The following AGO4 variants were observed in gnomAD, a reference collection of about 807,000 sequenced individuals.
The protein encoded by AGO4 is argonaute RISC component 4, also known as protein argonaute-4.
Under a neutral mutation model 104.7 loss-of-function variants are expected in AGO4, and 33 were observed. The observed-to-expected ratio is 0.32, with a 90% CI of 0.24 to 0.42. The LOEUF (loss-of-function observed/expected upper bound fraction) is 0.42. AGO4 is among the 10% of genes least tolerant of loss of function. The pLI is 1.00. For synonymous variants in AGO4, 331 were observed against 364.7 expected (o/e 0.91, Z 1.05); for missense variants, 711 against 1,083.4 (o/e 0.66, Z 4.83).
intron 13 of AGO4, among the ~76,000 whole-genome samples, chr1:35,837,916 T>G (rs1644352255): frequency 1.3e-5 from 2 of 152,094 alleles, no homozygotes; most frequent in South Asian, 4.1e-4. Flanking sequence ...AAGGTCTCAC[T>G]CTGTCACCCA....
rs151250313 is a variant in AGO4 at position 35,829,475 on chromosome 1, A to G, written c.849-1952A>G. 2.6e-4 allele frequency among the ~76,000 whole-genome samples: 40 copies of G among 152,328 alleles called. 1 individual carries two copies. In the East Asian group the frequency reaches 6.9e-3, roughly 26 times the overall value. On this transcript the variant is annotated intron_variant, in intron 7 of 17. Coordinates refer to ENST00000373210, the MANE Select transcript of AGO4 (RefSeq NM_017629.4). ...TCTTTGCTGAAAGATTATAACTCAT[A>G]TATTTAAATATCACATAGATGACCC...
In AGO4 at chr1:35,808,506, T is replaced by C; in HGVS notation, c.19+71T>C. On this transcript the variant is annotated intron_variant, in intron 1 of 17. Transcript: ENST00000373210. This position sits in a 1 kb window ranked among gnomAD's most constrained non-coding sequence, Gnocchi z 5.2. The stretch of plus-strand genomic sequence containing the variant: ...CGGGGCGGGCGGCCGGGACTTTCGC[T>C]GCCCCGTCGCCTCGCCGGGTTCGGG... The C allele has an allele frequency of 8.7e-7, 1 of 1,155,170 alleles. No individual in the cohort carries two copies. The highest frequency in any genetic ancestry group is 1.6e-5 in the African/African-American group (1 of 61,718). 71.6% of individuals were successfully genotyped at this position (1,155,170 alleles called of 1,614,324 possible).
At position 35,832,824 on chromosome 1, in the gene AGO4, C is replaced by T. The variant is rs141192455; in HGVS notation, c.1379+254C>T. On this transcript the variant is annotated intron_variant, in intron 11 of 17. Transcript: ENST00000373210. The stretch of plus-strand genomic sequence containing the variant: ...TGGAGACAATGTTGGTTGGCAAATT[C>T]TTGAGTTCTTATTGAAGCTTCCTTT... Among the ~76,000 whole-genome samples, 1,051 of 152,262 alleles carry T rather than the reference C, an allele frequency of 6.9e-3. 16 individuals carry two copies. The highest frequency in any genetic ancestry group is 0.022 in the African/African-American group (931 of 41,540).
In AGO4 at chr1:35,833,904, A is replaced by T. The variant is rs1227106687; in HGVS notation, c.1380-86A>T. On this transcript the variant is annotated intron_variant, in intron 11 of 17. Transcript: ENST00000373210. ...CTAAATTTGGCTAAGAATTTACAAA[A>T]CTGAAGGAAGTATTTCAGAGGAAAA... is the stretch of plus-strand genomic sequence containing the variant. 7 of 1,196,748 alleles carry T rather than the reference A, an allele frequency of 5.8e-6. No individual in the cohort carries two copies. The African/African-American group carries it at 1.1e-4, about 19-fold the overall frequency. The allele number at this position is 1,196,748 out of a possible 1,614,324, so 74.1% of individuals were successfully genotyped here.
chr1:35,834,693 T>C (rs1370907960), intron 12 of AGO4, among the ~76,000 whole-genome samples: 1 of 151,928 alleles, frequency 6.6e-6, no homozygotes. Context: ...ATAAAGGATA[T>C]AGGAACTATT....
chr1:35,850,670 A>G (rs1188610224), intron 16 of AGO4, among the ~76,000 whole-genome samples, 184 bp from the exon 17 acceptor site: 1 of 150,778 alleles, frequency 6.6e-6, no homozygotes, highest in African/African-American at 2.4e-5. Flanking sequence ...AGTCCCAGCT[A>G]CTTGGGAGGC....
chr1:35,844,747 C>T lies in AGO4; in HGVS notation c.2175+2997C>T, dbSNP rs1042115300. Among the ~76,000 whole-genome samples, 8 of 152,320 alleles carry T rather than the reference C, an allele frequency of 5.3e-5. 1 individual carries two copies. The highest frequency in any genetic ancestry group is 3.4e-3 in the Middle Eastern group (1 of 294). On this transcript the variant is annotated intron_variant, in intron 15 of 17. Transcript: ENST00000373210. ...ATTATTTTTCAAAACGTCACTCTTT[C>T]GTGTTCTGTTGCCTCCTTCTCGCCC...
chr1:35,828,533 T>G (rs1644092603), intron 7 of AGO4, among the ~76,000 whole-genome samples: 1 of 152,072 alleles, frequency 6.6e-6, no homozygotes, highest in Non-Finnish European at 1.5e-5. Flanking sequence ...TTCTTTTTTT[T>G]TTTGAGACAG....
chr1:35,842,540 C>T (rs746565084), intron 15 of AGO4, among the ~76,000 whole-genome samples: 2 of 152,226 alleles, frequency 1.3e-5, no homozygotes, highest in African/African-American at 4.8e-5. Context: ...CTGTGGCTCA[C>T]GCCTGTAATC....
At chr1:35,814,916 C>T (rs1378840244) in intron 1 of AGO4, among the ~76,000 whole-genome samples, 1 of 152,136 alleles carries the variant, frequency 6.6e-6, no homozygotes, top group Non-Finnish European at 1.5e-5. Flanking sequence ...CTCCCTCTGT[C>T]GCCCAGGCTG....
At position 35,816,953 on chromosome 1, in the gene AGO4, T is replaced by A; in HGVS notation, c.91T>A (p.Leu31Ile). The A allele has an allele frequency of 6.2e-7, 1 of 1,614,104 alleles. No individual in the cohort carries two copies. Among genetic ancestry groups the A allele is most frequent in the Non-Finnish European group, 8.5e-7 (1 of 1,179,980 alleles). Reference sequence around the variant, plus strand: ...AACTGTTGGAAAACCAATTCGACTGTTAGCCAATCATTTTCAGGTTCAGAT... The same window carrying A: ...AACTGTTGGAAAACCAATTCGACTGATAGCCAATCATTTTCAGGTTCAGAT... Reference protein sequence around the residue: ...LGTVGKPIRLLANHFQVQIPK... With the variant: ...LGTVGKPIRLIANHFQVQIPK... The change falls in exon 2 of 18, where the codon TTA (leucine) becomes ATA (isoleucine). Residue 31 changes from leucine (L) to isoleucine (I), a missense_variant. Coordinates refer to ENST00000373210, the MANE Select transcript of AGO4 (RefSeq NM_017629.4).
intron 1 of AGO4, among the ~76,000 whole-genome samples, chr1:35,813,819 G>A (rs1460764059): frequency 1.3e-5 from 2 of 151,472 alleles, no homozygotes; most frequent in Non-Finnish European, 2.9e-5. Context: ...GAAGGAAGAA[G>A]AAGAGAGACA....
At chr1:35,850,675 G>A (rs1446770088) in intron 16 of AGO4, among the ~76,000 whole-genome samples, 179 bp from the exon 17 acceptor site, 2 of 151,238 alleles carry the variant, frequency 1.3e-5, no homozygotes, top group Non-Finnish European at 2.9e-5. Flanking sequence ...CAGCTACTTG[G>A]GAGGCCGAGG....
At chr1:35,838,792 T>G (rs752237335) in intron 13 of AGO4, among the ~76,000 whole-genome samples, 54 of 152,222 alleles carry the variant, frequency 3.5e-4, no homozygotes, top group Non-Finnish European at 5.7e-4. Context: ...TTGAAAGTGT[T>G]GTTTTTCTGT....
At chr1:35,842,857 A>G (rs985046422) in intron 15 of AGO4, among the ~76,000 whole-genome samples, 3 of 152,320 alleles carry the variant, frequency 2.0e-5, no homozygotes, top group East Asian at 3.9e-4. Context: ...CATTTCAGGT[A>G]GAGAATGCCC....
chr1:35,851,881 T>A (rs1280886362), intron 17 of AGO4, among the ~76,000 whole-genome samples: 2 of 152,214 alleles, frequency 1.3e-5, no homozygotes, highest in Admixed American at 6.5e-5. Context: ...ACATGTTTCT[T>A]GTCCACGGGG....
intron 15 of AGO4, among the ~76,000 whole-genome samples, chr1:35,845,459 G>A (rs1571307363): frequency 6.6e-6 from 1 of 151,794 alleles, no homozygotes; most frequent in African/African-American, 2.4e-5. Flanking sequence ...CACCCACCTC[G>A]GCCTCCCAAA....
intron 15 of AGO4, among the ~76,000 whole-genome samples, chr1:35,844,666 T>C (rs1644526101): frequency 6.6e-6 from 1 of 152,174 alleles, no homozygotes; most frequent in Non-Finnish European, 1.5e-5. Flanking sequence ...CCCCATCCTG[T>C]GCTTTCAATC....
rs1334499058 is a variant in AGO4, at chr1:35,850,886, G to A, written c.2310G>A (p.Leu770=). ...GTSRPSHYQV[L]WDDNCFTADE... Reference sequence around the variant, plus strand: ...GCCGTCCCTCACATTACCAGGTCTTGTGGGATGACAACTGCTTCACTGCAG... The same window carrying A: ...GCCGTCCCTCACATTACCAGGTCTTATGGGATGACAACTGCTTCACTGCAG... The change falls in exon 17 of 18, where the codon TTG becomes TTA. Residue 770 remains leucine, a synonymous_variant. Transcript: ENST00000373210. The A allele has an allele frequency of 6.2e-7, 1 of 1,610,134 alleles. No homozygotes were observed. The highest frequency in any genetic ancestry group is 8.5e-7 in the Non-Finnish European group (1 of 1,178,762).
Sources: allele counts gnomAD v4.1 joint callset (sites outside exome capture counted in the v4.1 genomes callset), GRCh38; gene constraint gnomAD v4.1.1; non-coding constraint Gnocchi (gnomAD v3.1); transcripts MANE v1.5; gene names NCBI Gene and HGNC (gene_info 2026-07-23, HGNC 2026-07-21).